The following ADGRG7 variants were observed in gnomAD, a reference collection of about 807,000 sequenced individuals.
ADGRG7 encodes the protein adhesion G protein-coupled receptor G7.
A neutral mutation model predicts 88.6 loss-of-function variants in ADGRG7; 82 were observed. The ratio of observed to expected loss-of-function variants is 0.93; its 90% CI spans 0.77 to 1.11. ADGRG7 has a LOEUF of 1.11. Among genes scored for constraint, ADGRG7 ranks in the 50% most tolerant of loss-of-function variants. The pLI, the probability that ADGRG7 is intolerant of heterozygous loss-of-function variation, is 0.00. For synonymous variants in ADGRG7, 381 were observed against 345.2 expected (o/e 1.10, Z -1.15); for missense variants, 945 against 953.4 (o/e 0.99, Z 0.12).
intron 11 of ADGRG7, chr3:100,654,515 A>G (rs1053364085): frequency 8.5e-6 from 2 of 234,140 alleles, no homozygotes; most frequent in Admixed American, 5.2e-5. Flanking sequence ...TGAAGGGACT[A>G]CGCAGGGCTA....
intron 15 of ADGRG7, among the ~76,000 whole-genome samples, chr3:100,676,042 C>G (rs2094964903): frequency 6.6e-6 from 1 of 151,676 alleles, no homozygotes; most frequent in African/African-American, 2.4e-5. Flanking sequence ...TTTTTTTGAT[C>G]TTTAAAAATA....
chr3:100,678,983 C>T (rs1259411585), intron 15 of ADGRG7, among the ~76,000 whole-genome samples: 2 of 152,182 alleles, frequency 1.3e-5, no homozygotes, highest in African/African-American at 4.8e-5. Context: ...CTACTCAAGG[C>T]TCAACAGCTC....
At chr3:100,642,627 T>C (rs976833933) in intron 6 of ADGRG7, among the ~76,000 whole-genome samples, 18 of 152,234 alleles carry the variant, frequency 1.2e-4, no homozygotes, top group African/African-American at 4.1e-4. Flanking sequence ...AAAGGTCTTA[T>C]GACTTTTCTT....
At chr3:100,691,144 G>T (rs926440534) in intron 15 of ADGRG7, among the ~76,000 whole-genome samples, 1 of 152,216 alleles carries the variant, frequency 6.6e-6, no homozygotes, top group Admixed American at 6.5e-5. Context: ...AGCCTCCATG[G>T]GCGTAGGACC....
At chr3:100,640,363 T>C (rs767183304) in intron 6 of ADGRG7, among the ~76,000 whole-genome samples, 1 of 152,030 alleles carries the variant, frequency 6.6e-6, no homozygotes, top group East Asian at 1.9e-4. Context: ...CTTTCTATAG[T>C]ATAGGGAGAA....
At chr3:100,638,719 A>C (rs2149021838) in intron 6 of ADGRG7, among the ~76,000 whole-genome samples, 1 of 152,228 alleles carries the variant, frequency 6.6e-6, no homozygotes, top group African/African-American at 2.4e-5. Context: ...TACATTGAAA[A>C]AAAAGAAAAA....
chr3:100,630,770 G>T lies in ADGRG7; in HGVS notation c.295G>T (p.Gly99Ter). The change falls in exon 3 of 16, where the codon GGA becomes TGA. Residue 99 changes from glycine to a stop codon, truncating the protein, a stop_gained. Transcript: ENST00000273352. LOFTEE classifies it high-confidence loss of function. ...TFARIPVGRYGPSLQTCGKDT... is the reference protein window; with the variant it reads ...TFARIPVGRY ...TGCCAGAATCCCAGTGGGCAGATAT[G>T]GACCATCCTTGCAAACATGTGGCAA... 1 of 1,484,440 alleles carries T rather than the reference G, an allele frequency of 6.7e-7. No homozygotes were observed. The highest frequency in any genetic ancestry group is 2.4e-5 in the Admixed American group (1 of 41,474). 92.0% of individuals were successfully genotyped at this position (1,484,440 alleles called of 1,614,324 possible).
At position 100,646,646 on chromosome 3, in the gene ADGRG7, T is replaced by A. The variant is rs555285248; in HGVS notation, c.1188T>A (p.Tyr396Ter). ...TGTCAGCGAAGGACTGGGACACATA[T>A]GGCTGTCAAAAAGACAAGGGCACTG... The part of the protein sequence containing the change: ...WNLSAKDWDT[Y>*]GCQKDKGTDG... The change falls in exon 10 of 16, where the codon TAT (tyrosine) becomes TAA (stop). Residue 396 changes from tyrosine to a stop codon, truncating the protein, a stop_gained. Transcript: ENST00000273352. LOFTEE classifies it high-confidence loss of function. 4 of 1,614,108 alleles carry A rather than the reference T, an allele frequency of 2.5e-6. No individual in the cohort carries two copies. The highest frequency in any genetic ancestry group is 1.1e-5 in the South Asian group (1 of 91,080).
Position 100,652,986 on chromosome 3 carries a change from C to G in ADGRG7, c.1380-1849C>G, listed in dbSNP as rs141707561. ...ATCTTCCAATAAAGGGATAGTCCTT[C>G]GGAATGATTTACATTCAAAATGTGG... On this transcript the variant is annotated intron_variant, in intron 11 of 15. Transcript: ENST00000273352. Among the ~76,000 whole-genome samples the G allele has an allele frequency of 3.5e-3, 529 of 152,284 alleles. 5 individuals are homozygous for G. Among genetic ancestry groups the G allele is most frequent in the Non-Finnish European group, 5.1e-3 (350 of 68,034 alleles).
chr3:100,635,482 A>T lies in ADGRG7; in HGVS notation c.448-195A>T, dbSNP rs1242349207. 2.4e-6 allele frequency: 3 copies of T among 1,257,898 alleles called. No homozygotes were observed. The East Asian group carries it at 8.6e-5, about 36-fold the overall frequency. The allele number at this position is 1,257,898 out of a possible 1,614,324, so 77.9% of individuals were successfully genotyped here. Reference sequence around the variant, plus strand: ...GTTAATCAATCCTGTCAAACAGGAAAGGCTGGCAAAACCACTGGTCTGCAT... The same window carrying T: ...GTTAATCAATCCTGTCAAACAGGAATGGCTGGCAAAACCACTGGTCTGCAT... On this transcript the variant is annotated intron_variant, in intron 4 of 15. Coordinates refer to ENST00000273352, the MANE Select transcript of ADGRG7 (RefSeq NM_032787.3).
At chr3:100,614,068 G>A (rs960278267) in intron 1 of ADGRG7, among the ~76,000 whole-genome samples, 7 of 152,302 alleles carry the variant, frequency 4.6e-5, no homozygotes, top group African/African-American at 1.7e-4. Context: ...TGTCTAGGAC[G>A]TTGTAAGTAC....
At chr3:100,680,498 GT>G (rs2149039634) in intron 15 of ADGRG7, among the ~76,000 whole-genome samples, 1 of 151,968 alleles carries the variant, frequency 6.6e-6, no homozygotes, top group African/African-American at 2.4e-5. Flanking sequence ...TTTCCTATTT[GT>G]TTTCTGTGGC....
chr3:100,646,441 T>C (rs1707748015), intron 9 of ADGRG7, 128 bp from the exon 10 acceptor site: 2 of 734,410 alleles, frequency 2.7e-6, no homozygotes, highest in East Asian at 5.5e-5. Context: ...TCCTTAATCA[T>C]AATGAATATG....
chr3:100,671,535 G>T lies in ADGRG7; in HGVS notation c.2136+2430G>T, dbSNP rs186461727. 1.1e-4 allele frequency among the ~76,000 whole-genome samples: 16 copies of T among 152,276 alleles called. 1 individual carries two copies. Among genetic ancestry groups the T allele is most frequent in the African/African-American group, 3.6e-4 (15 of 41,574 alleles). ...GTTCACTCTGATGATAGTTTCTTTTGCTGCACAGAAGCTCTTTAGTTTAAT... is the reference window on the plus strand; with the variant it reads ...GTTCACTCTGATGATAGTTTCTTTTTCTGCACAGAAGCTCTTTAGTTTAAT... On this transcript the variant is annotated intron_variant, in intron 15 of 15. Coordinates refer to ENST00000273352, the MANE Select transcript of ADGRG7 (RefSeq NM_032787.3).
At chr3:100,617,752 A>G (rs2149011838) in intron 1 of ADGRG7, among the ~76,000 whole-genome samples, 1 of 152,248 alleles carries the variant, frequency 6.6e-6, no homozygotes, top group Non-Finnish European at 1.5e-5. Context: ...GCTGGGTCAA[A>G]TGGTATTTCT....
At chr3:100,669,133 C>A in intron 15 of ADGRG7, 28 bp downstream of exon 15, 1 of 1,464,348 alleles carries the variant, frequency 6.8e-7, no homozygotes, top group African/African-American at 1.4e-5. Context: ...CTGAAAGTAG[C>A]AGAACACGCA....
rs749484238 is a variant in ADGRG7 at position 100,668,995 on chromosome 3, G to A, written c.2026G>A (p.Val676Ile). The change falls in exon 15 of 16, where the codon GTT becomes ATT. Residue 676 changes from valine (V) to isoleucine (I), a missense_variant. By Grantham distance (29) the Val-to-Ile change is conservative. Transcript: ENST00000273352. The stretch of plus-strand genomic sequence containing the variant: ...GAAGAAGATTGTTAGCACATTATCT[G>A]TTGCAGTTGTTTTTGGAATTACCTG... ...SMKKIVSTLSVAVVFGITWIL... is the reference protein window; with the variant it reads ...SMKKIVSTLSIAVVFGITWIL... The A allele has an allele frequency of 2.5e-6, 4 of 1,605,730 alleles. No homozygotes were observed. The highest frequency in any genetic ancestry group is 1.7e-5 in the Admixed American group (1 of 58,722).
chr3:100,629,231 A>T (rs2149016602), intron 1 of ADGRG7, among the ~76,000 whole-genome samples: 1 of 151,910 alleles, frequency 6.6e-6, no homozygotes, highest in Non-Finnish European at 1.5e-5. Flanking sequence ...CCTCTCTCCT[A>T]TGTGTTTTTA....
chr3:100,649,746 G>A lies in ADGRG7; in HGVS notation c.1318G>A (p.Val440Ile), dbSNP rs759474500. 21 of 1,611,480 alleles carry A rather than the reference G, an allele frequency of 1.3e-5. No individual in the cohort carries two copies. In the East Asian group the frequency reaches 1.3e-4, roughly 10 times the overall value. ...YPKSLDILSN[V>I]GCALSVTGLA... ...CAAATCACTTGACATATTATCCAAC[G>A]TTGGATGTGCACTGTCTGTTACTGG... The change falls in exon 11 of 16, where the codon GTT (valine) becomes ATT (isoleucine). Residue 440 changes from valine (V) to isoleucine (I), a missense_variant. Physicochemically the swap from Val to Ile is conservative, Grantham distance 29. Transcript: ENST00000273352.
Sources: allele counts gnomAD v4.1 joint callset (sites outside exome capture counted in the v4.1 genomes callset), GRCh38; gene constraint gnomAD v4.1.1; transcripts MANE v1.5; gene names NCBI Gene and HGNC (gene_info 2026-07-23, HGNC 2026-07-21).